Variants in ENAH observed in about 807,000 individuals in gnomAD.
ENAH encodes ENAH actin regulator, also known as protein enabled homolog.
Under a neutral mutation model 78.7 loss-of-function variants are expected in ENAH, and 23 were observed. The ratio of observed to expected loss-of-function variants is 0.29; its 90% confidence interval spans 0.21 to 0.41. The LOEUF is 0.41. Among genes scored for constraint, ENAH ranks in the 10% least tolerant of loss-of-function variants. ENAH has a pLI of 1.00. For missense variants in ENAH, 544 were observed against 691.0 expected (o/e 0.79, Z 2.39); for synonymous variants, 226 against 241.0 (o/e 0.94, Z 0.58).
chr1:225,592,596 A>G (rs1267792117), intron 1 of ENAH, among the ~76,000 whole-genome samples: 1 of 152,228 alleles, frequency 6.6e-6, no homozygotes, highest in African/African-American at 2.4e-5. Flanking sequence ...TGTACTTTTC[A>G]AGTCCTCAGA....
intron 2 of ENAH, among the ~76,000 whole-genome samples, chr1:225,566,618 T>C (rs2096736267): frequency 6.6e-6 from 1 of 152,240 alleles, no homozygotes; most frequent in Admixed American, 6.5e-5. Flanking sequence ...ACTATTAGTA[T>C]ATAGTTAATG....
At chr1:225,598,851 C>CAAAA (rs547584715) in intron 1 of ENAH, among the ~76,000 whole-genome samples, 1 of 139,170 alleles carries the variant, frequency 7.2e-6, no homozygotes, top group African/African-American at 2.6e-5. Flanking sequence ...TTGATTCAGG[C>CAAAA]AAAAAAAAAA....
intron 2 of ENAH, among the ~76,000 whole-genome samples, chr1:225,566,562 T>C (rs761585522): frequency 2.0e-5 from 3 of 152,220 alleles, no homozygotes; most frequent in Non-Finnish European, 4.4e-5. Flanking sequence ...TTGGTAAATA[T>C]TTTTTCCCAA....
At chr1:225,599,774 C>T (rs112909702) in intron 1 of ENAH, among the ~76,000 whole-genome samples, 1,959 of 133,006 alleles carry the variant, frequency 0.015, 38 homozygotes, top group African/African-American at 0.053. Context: ...CCAGCCTGGG[C>T]GACAGGGCCG....
At position 225,494,259 on chromosome 1, in the gene ENAH, A is replaced by G. The variant is rs1356767015; in HGVS notation, c.*3516T>C. 6.6e-6 allele frequency: 1 copy of G among 152,118 alleles called. No individual in the cohort carries two copies. The highest frequency in any genetic ancestry group is 1.5e-5 in the Non-Finnish European group (1 of 68,000). The allele number at this position is 152,118 out of a possible 1,614,324, so 9.4% of individuals were successfully genotyped here. On this transcript the variant is annotated 3_prime_UTR_variant, in exon 14 of 14. Transcript: ENST00000366843. ...TTGTATTTCTAATGAAGACATCAGA[A>G]TTATAAAATGGAACTCAAAATTAAT... is the stretch of plus-strand genomic sequence containing the variant.
At chr1:225,585,794 T>C (rs951613179) in intron 1 of ENAH, among the ~76,000 whole-genome samples, 6 of 150,588 alleles carry the variant, frequency 4.0e-5, no homozygotes, top group African/African-American at 1.5e-4. Flanking sequence ...GTGTAAAAAA[T>C]AATAATAAAT....
rs142162309 is a variant in ENAH, at chr1:225,531,607, T to C, written c.350-969A>G. ...ATGAGTAATGACACACTACATATAT[T>C]TGTGAATTCTAGTGTACCAGCAAAT... On this transcript the variant is annotated intron_variant, in intron 3 of 13. Coordinates refer to ENST00000366843, the MANE Select transcript of ENAH (RefSeq NM_018212.6). 6.2e-3 allele frequency among the ~76,000 whole-genome samples: 943 copies of C among 152,242 alleles called. 30 individuals carry two copies. The highest frequency in any genetic ancestry group is 0.054 in the Admixed American group (828 of 15,288).
intron 1 of ENAH, among the ~76,000 whole-genome samples, chr1:225,650,706 C>T (rs1050465768): frequency 3.3e-5 from 5 of 151,474 alleles, no homozygotes; most frequent in African/African-American, 1.2e-4. Context: ...AAAAATTAGC[C>T]GGGCGTGGTG....
intron 1 of ENAH, among the ~76,000 whole-genome samples, chr1:225,625,709 T>C (rs904197985): frequency 6.6e-6 from 1 of 152,110 alleles, no homozygotes; most frequent in Non-Finnish European, 1.5e-5. Flanking sequence ...AGAGACAGGG[T>C]TTCACCATGT....
At chr1:225,566,135 G>C (rs1369031837) in intron 2 of ENAH, among the ~76,000 whole-genome samples, 1 of 152,018 alleles carries the variant, frequency 6.6e-6, no homozygotes, top group South Asian at 2.1e-4. Context: ...CTCATTTCTC[G>C]GGGGAGCTTC....
chr1:225,575,819 A>G (rs2096785037), intron 1 of ENAH, among the ~76,000 whole-genome samples: 1 of 152,224 alleles, frequency 6.6e-6, no homozygotes, highest in South Asian at 2.1e-4. Flanking sequence ...CCAATTAAAG[A>G]TTTGTGAGAG....
At chr1:225,543,158 T>C (rs1193800536) in intron 3 of ENAH, among the ~76,000 whole-genome samples, 1 of 152,220 alleles carries the variant, frequency 6.6e-6, no homozygotes, top group Non-Finnish European at 1.5e-5. Flanking sequence ...CCATTAGTTA[T>C]CTGCAGAAGA....
chr1:225,618,197 T>A (rs995673139), intron 1 of ENAH, among the ~76,000 whole-genome samples: 15 of 152,092 alleles, frequency 9.9e-5, no homozygotes, highest in African/African-American at 3.6e-4. Context: ...TCCATTCTCA[T>A]CCAAACATCC....
At chr1:225,570,328 C>G (rs532195715) in intron 1 of ENAH, among the ~76,000 whole-genome samples, 2 of 152,244 alleles carry the variant, frequency 1.3e-5, no homozygotes, top group Admixed American at 6.5e-5. Context: ...CTAGAGACAT[C>G]CTGCCATGTA....
At chr1:225,572,229 A>C (rs1336018599) in intron 1 of ENAH, among the ~76,000 whole-genome samples, 2 of 152,170 alleles carry the variant, frequency 1.3e-5, no homozygotes, top group Non-Finnish European at 2.9e-5. Flanking sequence ...AGCTACTCAC[A>C]TACTAACTCC....
intron 3 of ENAH, chr1:225,535,695 T>C (rs2096558380): frequency 3.5e-6 from 1 of 287,030 alleles, no homozygotes; most frequent in South Asian, 4.2e-5. Flanking sequence ...ATCCTCATCC[T>C]GGAAGCTCTG....
At chr1:225,536,391 AT>A (rs139132923) in intron 3 of ENAH, among the ~76,000 whole-genome samples, 2,263 of 149,502 alleles carry the variant, frequency 0.015, 57 homozygotes, top group African/African-American at 0.049. Flanking sequence ...ACAAAAGTAA[AT>A]TTTTTTTTTT....
chr1:225,534,001 C>A (rs930756896), intron 3 of ENAH, among the ~76,000 whole-genome samples: 1 of 152,064 alleles, frequency 6.6e-6, no homozygotes, highest in Non-Finnish European at 1.5e-5. Flanking sequence ...CATTATTTTA[C>A]AACTTTAAAG....
chr1:225,520,109 C>T (rs2151176864), intron 4 of ENAH, among the ~76,000 whole-genome samples: 1 of 152,108 alleles, frequency 6.6e-6, no homozygotes, highest in South Asian at 2.1e-4. Flanking sequence ...GCCTGGCCAA[C>T]ATGGTGAAAC....
Sources: allele counts gnomAD v4.1 joint callset (sites outside exome capture counted in the v4.1 genomes callset), GRCh38; gene constraint gnomAD v4.1.1; transcripts MANE v1.5; gene names NCBI Gene and HGNC (gene_info 2026-07-23, HGNC 2026-07-21).